The following NMD3 variants were observed in gnomAD, a reference collection of about 807,000 sequenced individuals.
The protein encoded by NMD3 is 60S ribosomal export protein NMD3.
In NMD3, 47 loss-of-function variants were observed where a neutral mutation model predicts 73.1. The observed-to-expected ratio is 0.64, with a 90% CI of 0.51 to 0.82. The LOEUF (loss-of-function observed/expected upper bound fraction) is 0.82. Ranked by LOEUF, NMD3 falls within the 40% of genes least tolerant of loss-of-function variation. The probability of loss-of-function intolerance (pLI) is 0.00; values close to 1 mark genes in which losing one functional copy is unlikely to be tolerated. For missense variants in NMD3, 554 were observed against 612.5 expected, an observed-to-expected ratio of 0.90 and a Z score of 1.01; for synonymous variants, 210 against 194.5, an observed-to-expected ratio of 1.08 and a Z score of -0.66.
At position 161,224,944 on chromosome 3, in the gene NMD3, G is replaced by A; in HGVS notation, c.59G>A (p.Cys20Tyr). The change falls in exon 3 of 16, where the codon TGT becomes TAT. Residue 20 changes from cysteine to tyrosine, a missense_variant. Coordinates refer to ENST00000351193, the MANE Select transcript of NMD3 (RefSeq NM_015938.5). Reference protein sequence around the residue: ...RSPGHILCCECGVPISPNPAN... With the variant: ...RSPGHILCCEYGVPISPNPAN... ...ATTTATTAAAGCTTGTGCTGTGAGTGTGGTGTTCCGATAAGTCCAAATCCT... is the reference window on the plus strand; with the variant it reads ...ATTTATTAAAGCTTGTGCTGTGAGTATGGTGTTCCGATAAGTCCAAATCCT... 1 of 1,611,770 alleles carries A rather than the reference G, an allele frequency of 6.2e-7. No individual in the cohort carries two copies. The highest frequency in any genetic ancestry group is 2.2e-5 in the East Asian group (1 of 44,766).
intron 10 of NMD3, 28 bp downstream of exon 10, chr3:161,241,191 C>T (rs1429155657): frequency 7.5e-7 from 1 of 1,335,124 alleles, no homozygotes; most frequent in Admixed American, 1.8e-5. Context: ...TTTGCCTTGA[C>T]AATTTTGTTT....
intron 9 of NMD3, among the ~76,000 whole-genome samples, chr3:161,240,402 A>T (rs1212080638): frequency 1.3e-5 from 2 of 151,990 alleles, no homozygotes; most frequent in East Asian, 3.9e-4. Context: ...TTATAGAATC[A>T]CTCTCCTGCT....
intron 4 of NMD3, among the ~76,000 whole-genome samples, chr3:161,231,325 T>G (rs1736538660): frequency 5.3e-5 from 8 of 151,988 alleles, no homozygotes; most frequent in Admixed American, 5.2e-4. Flanking sequence ...TGTTTGGAAT[T>G]GATAGTTTGG....
In NMD3 at chr3:161,224,936, C is replaced by A. The variant is rs1363718807; in HGVS notation, c.51C>A (p.Cys17Ter). 6.2e-7 allele frequency: 1 copy of A among 1,602,638 alleles called. No homozygotes were observed. Among genetic ancestry groups the A allele is most frequent in the African/African-American group, 1.4e-5 (1 of 73,962 alleles). The change falls in exon 3 of 16, where the codon TGC (cysteine) becomes TGA (stop). Residue 17 changes from cysteine (C) to a stop codon, truncating the protein, a stop_gained. Transcript: ENST00000351193. LOFTEE classifies it high-confidence loss of function. ...TATCCTTTATTTATTAAAGCTTGTG[C>A]TGTGAGTGTGGTGTTCCGATAAGTC... ...STDRSPGHIL[C>*]CECGVPISPN...
intron 11 of NMD3, among the ~76,000 whole-genome samples, 183 bp from the exon 12 acceptor site, chr3:161,246,149 GTCTT>G (rs2108099844): frequency 6.6e-6 from 1 of 152,150 alleles, no homozygotes; most frequent in Admixed American, 6.5e-5. Context: ...TTGTTTGTGA[GTCTT>G]TCTATACTCA....
chr3:161,238,867 A>G lies in NMD3; in HGVS notation c.753+41A>G, dbSNP rs780366061. 3 of 960,970 alleles carry G rather than the reference A, an allele frequency of 3.1e-6. No homozygotes were observed. The Admixed American group carries it at 7.2e-5, about 23-fold the overall frequency. 59.5% of individuals were successfully genotyped at this position (960,970 alleles called of 1,614,324 possible). A position where few individuals can be genotyped will look rare whatever the true frequency, so the allele number is the denominator to read the frequency against. Reference sequence around the variant, plus strand: ...ATTTAATCCATATCTGTAAAAGAGTACAAGTAATTAATTGGCTTATATGTA... The same window carrying G: ...ATTTAATCCATATCTGTAAAAGAGTGCAAGTAATTAATTGGCTTATATGTA... On this transcript the variant is annotated intron_variant, in intron 9 of 15. Coordinates refer to ENST00000351193, the MANE Select transcript of NMD3 (RefSeq NM_015938.5).
At chr3:161,235,016 ATTG>A in intron 6 of NMD3, 103 bp from the exon 7 acceptor site, 1 of 948,446 alleles carries the variant, frequency 1.1e-6, no homozygotes, top group East Asian at 2.5e-5. Context: ...AAAGATTGTT[ATTG>A]TTTGAAAAAT....
chr3:161,234,664 T>G, intron 5 of NMD3, 63 bp from the exon 6 acceptor site: 2 of 1,418,834 alleles, frequency 1.4e-6, no homozygotes, highest in Non-Finnish European at 1.9e-6. Flanking sequence ...AGGTTCTTCT[T>G]TAAAGAAAAT....
At chr3:161,243,051 G>A (rs1312094036) in intron 11 of NMD3, among the ~76,000 whole-genome samples, 1 of 152,036 alleles carries the variant, frequency 6.6e-6, no homozygotes, top group Non-Finnish European at 1.5e-5. Context: ...TCTACATAAT[G>A]AAAATGTTGT....
intron 2 of NMD3, chr3:161,223,166 C>G (rs538198999): frequency 6.6e-6 from 1 of 152,338 alleles, no homozygotes; most frequent in African/African-American, 2.4e-5. Context: ...GCTGGCTCCA[C>G]TCTGTCAACA....
chr3:161,252,133 A>G lies in NMD3; in HGVS notation c.*1223A>G, dbSNP rs943251738. 9 of 152,152 alleles carry G rather than the reference A, an allele frequency of 5.9e-5. No homozygotes were observed. Among genetic ancestry groups the G allele is most frequent in the Non-Finnish European group, 1.3e-4 (9 of 68,032 alleles). The allele number at this position is 152,152 out of a possible 1,614,324, so 9.4% of individuals were successfully genotyped here. The stretch of plus-strand genomic sequence containing the variant: ...CATATTTTGTTAAAATTGTGGATCT[A>G]AAAGCCATATCCTGTCTTTGGTGGT... On this transcript the variant is annotated 3_prime_UTR_variant, in exon 16 of 16. Transcript: ENST00000351193.
chr3:161,252,880 C>G (rs1737544291), downstream of NMD3: 1 of 656,320 alleles, frequency 1.5e-6, no homozygotes, highest in Non-Finnish European at 2.7e-6. Context: ...GGGCAGATCA[C>G]TTCAGGCCAG....
At chr3:161,248,646 A>G (rs1737350701) in intron 13 of NMD3, among the ~76,000 whole-genome samples, 3 of 152,214 alleles carry the variant, frequency 2.0e-5, no homozygotes. Flanking sequence ...AATATCCGTG[A>G]AAAATAATCT....
Position 161,222,069 on chromosome 3 carries a change from A to T in NMD3, c.44+12A>T, listed in dbSNP as rs1167737160. The T allele has an allele frequency of 6.2e-7, 1 of 1,604,698 alleles. No homozygotes were observed. Among genetic ancestry groups the T allele is most frequent in the Non-Finnish European group, 8.5e-7 (1 of 1,175,106 alleles). On this transcript the variant is annotated intron_variant, in intron 2 of 15. Transcript: ENST00000351193. ...AGCCCTGGACACATGTGAGTGCGAC[A>T]CTTCTTCCTTCCCCCTTAAATGTGA...
chr3:161,230,282 A>T (rs1736482340), intron 4 of NMD3, among the ~76,000 whole-genome samples: 1 of 151,938 alleles, frequency 6.6e-6, no homozygotes, highest in African/African-American at 2.4e-5. Flanking sequence ...TTTTTACTAG[A>T]GGTGAGATCT....
chr3:161,225,872 A>G (rs527744854), intron 3 of NMD3, among the ~76,000 whole-genome samples: 4 of 152,062 alleles, frequency 2.6e-5, no homozygotes, highest in Admixed American at 2.6e-4. Flanking sequence ...GTGTGTGTGT[A>G]TATATACATA....
In NMD3 at chr3:161,249,538, A is replaced by G; in HGVS notation, c.1288A>G (p.Asn430Asp). Reference sequence around the variant, plus strand: ...GAAAGAGCTTGCAAGAGAGAGAGAAAACATGGATACAGATGATGAAAGGTC... The same window carrying G: ...GAAAGAGCTTGCAAGAGAGAGAGAAGACATGGATACAGATGATGAAAGGTC... Reference protein sequence around the residue: ...KLKELARERENMDTDDERQYQ... With the variant: ...KLKELAREREDMDTDDERQYQ... Residue 430 changes from asparagine to aspartate, a missense_variant, in exon 14 of 16, where the codon AAC becomes GAC. Transcript: ENST00000351193. 1.9e-6 allele frequency: 3 copies of G among 1,608,368 alleles called. No individual in the cohort carries two copies. The highest frequency in any genetic ancestry group is 1.3e-5 in the African/African-American group (1 of 74,868).
chr3:161,235,821 A>G (rs6775627), intron 7 of NMD3, among the ~76,000 whole-genome samples: 98,392 of 151,942 alleles, frequency 0.65, 33,982 homozygotes, highest in East Asian at 0.97. Context: ...ATAAAATTGA[A>G]CAAATAAAAT....
chr3:161,222,168 T>A, intron 2 of NMD3, 111 bp downstream of exon 2: 3 of 825,464 alleles, frequency 3.6e-6, no homozygotes, highest in African/African-American at 1.7e-5. Flanking sequence ...TATATTGTCA[T>A]AAATGGGAAA....
Sources: gnomAD v4.1 joint callset for allele counts (sites outside exome capture counted in the v4.1 genomes callset) on GRCh38, gnomAD v4.1.1 for gene constraint, MANE v1.5 for transcripts, NCBI Gene and HGNC (gene_info 2026-07-23, HGNC 2026-07-21) for gene names.